Variants in NEXMIF observed in about 807,000 individuals in gnomAD.
NEXMIF encodes the protein neurite extension and migration factor, also known as XLMR protein related to neurite extension.
Under a neutral mutation model 62.1 loss-of-function variants are expected in NEXMIF, and 8 were observed. The observed-to-expected ratio is 0.13, with a 90% CI of 0.08 to 0.23. The LOEUF is 0.23. Ranked by LOEUF, NEXMIF falls within the 10% of genes least tolerant of loss-of-function variation. NEXMIF has a pLI of 1.00. For missense variants in NEXMIF, 976 were observed against 1,113.3 expected (o/e 0.88, Z 1.75); for synonymous variants, 404 against 416.6 (o/e 0.97, Z 0.37).
chrX:74,884,783 G>A (rs1021700868), intron 1 of NEXMIF, among the ~76,000 whole-genome samples: 1 of 111,387 alleles, frequency 9.0e-6, no homozygotes, highest in Admixed American at 9.6e-5. Flanking sequence ...ACTCAGCTCT[G>A]CACCAAGCGG....
Position 74,904,319 on chromosome X carries a change from A to T in NEXMIF, c.-48+20564T>A, listed in dbSNP as rs1403116490. 3.6e-5 allele frequency among the ~76,000 whole-genome samples: 4 copies of T among 112,012 alleles called. No homozygotes were observed. In the East Asian group the frequency reaches 8.4e-4, roughly 23 times the overall value. ...TGTTGTTTTGTTTTAGAAGAAAAAGATCTAGCCAAAGGACAGGAACAAACT... is the reference window on the plus strand; with the variant it reads ...TGTTGTTTTGTTTTAGAAGAAAAAGTTCTAGCCAAAGGACAGGAACAAACT... On this transcript the variant is annotated intron_variant, in intron 1 of 3. Coordinates refer to ENST00000055682, the MANE Select transcript of NEXMIF (RefSeq NM_001008537.3).
intron 1 of NEXMIF, among the ~76,000 whole-genome samples, chrX:74,846,082 A>C (rs1165861363): frequency 8.9e-6 from 1 of 112,818 alleles, no homozygotes; most frequent in African/African-American, 3.2e-5. Context: ...CCAATGCTAA[A>C]GGCTCTACTT....
intron 1 of NEXMIF, among the ~76,000 whole-genome samples, chrX:74,810,390 T>A (rs1170804320): frequency 1.8e-5 from 2 of 111,535 alleles, no homozygotes; most frequent in Admixed American, 1.9e-4. Context: ...CTTTAAAAGC[T>A]ACACAATGTG....
At chrX:74,882,960 T>C (rs1324212120) in intron 1 of NEXMIF, among the ~76,000 whole-genome samples, 6 of 111,175 alleles carry the variant, frequency 5.4e-5, no homozygotes, top group African/African-American at 2.0e-4. Flanking sequence ...TCCAGAGGAA[T>C]GATCAGGGAG....
Position 74,744,187 on chromosome X carries a change from C to A in NEXMIF, c.370G>T (p.Ala124Ser). Residue 124 changes from alanine (A) to serine (S), a missense_variant, in exon 3 of 4, where the codon GCC becomes TCC. This residue lies in a region of NEXMIF where 126 missense variants were observed against 146.5 expected (regional missense o/e 0.86). Coordinates refer to ENST00000055682, the MANE Select transcript of NEXMIF (RefSeq NM_001008537.3). ...GACATGCCTGCAGGCTCCATTATGG[C>A]AAATGGAGCTTTCTCACATTCATTG... ...LPNECEKAPF[A>S]IMEPAGMSAL... 1 of 1,211,076 alleles carries A rather than the reference C, an allele frequency of 8.3e-7. No individual in the cohort carries two copies. The highest frequency in any genetic ancestry group is 1.1e-6 in the Non-Finnish European group (1 of 895,035).
chrX:74,915,737 G>A (rs1244869791), intron 1 of NEXMIF, among the ~76,000 whole-genome samples: 1 of 111,339 alleles, frequency 9.0e-6, no homozygotes, highest in Non-Finnish European at 1.9e-5. Context: ...AAGTGATGCA[G>A]TGTGAGGAAA....
intron 1 of NEXMIF, among the ~76,000 whole-genome samples, chrX:74,802,765 C>T (rs1282426128): frequency 9.0e-6 from 1 of 111,001 alleles, no homozygotes; most frequent in Admixed American, 9.6e-5. Flanking sequence ...ACGTTTCACA[C>T]AGAGAATTCA....
chrX:74,760,841 GATTT>G (rs74679235), intron 1 of NEXMIF, among the ~76,000 whole-genome samples: 27,753 of 89,177 alleles, frequency 0.31, 4,470 homozygotes, highest in East Asian at 0.82. Flanking sequence ...TTGGCCCTAA[GATTT>G]ATTTATTTAT....
intron 1 of NEXMIF, among the ~76,000 whole-genome samples, chrX:74,880,770 AAC>A (rs1403433645): frequency 8.9e-6 from 1 of 112,098 alleles, no homozygotes; most frequent in East Asian, 2.8e-4. Flanking sequence ...CAAAACTGCA[AAC>A]ACATACCCAG....
intron 1 of NEXMIF, among the ~76,000 whole-genome samples, chrX:74,892,132 G>T (rs1240393344): frequency 8.9e-6 from 1 of 112,422 alleles, no homozygotes; most frequent in East Asian, 2.8e-4. Flanking sequence ...CTGTAAGGTT[G>T]TTTAATGTTT....
intron 1 of NEXMIF, among the ~76,000 whole-genome samples, chrX:74,748,308 C>T (rs1191377472): frequency 2.7e-5 from 3 of 112,240 alleles, no homozygotes; most frequent in African/African-American, 9.7e-5. Flanking sequence ...CTTGAGCAGA[C>T]AATCCTTTAG....
chrX:74,885,175 A>C (rs1052397904), intron 1 of NEXMIF, among the ~76,000 whole-genome samples: 33 of 111,397 alleles, frequency 3.0e-4, no homozygotes, highest in African/African-American at 1.0e-3. Context: ...ATAGCACTAA[A>C]TGCCCACAAG....
chrX:74,831,225 G>A (rs893820774), intron 1 of NEXMIF, among the ~76,000 whole-genome samples: 4 of 109,354 alleles, frequency 3.7e-5, no homozygotes, highest in Admixed American at 2.0e-4. Context: ...TAAGTTTTAG[G>A]GTACATGTGC....
At chrX:74,889,587 A>G (rs2080709929) in intron 1 of NEXMIF, among the ~76,000 whole-genome samples, 1 of 111,597 alleles carries the variant, frequency 9.0e-6, no homozygotes, top group South Asian at 3.8e-4. Context: ...TCATGGTTGC[A>G]TGGTGTACAA....
intron 1 of NEXMIF, among the ~76,000 whole-genome samples, chrX:74,778,081 C>T (rs1479268197): frequency 8.9e-6 from 1 of 111,826 alleles, no homozygotes; most frequent in Non-Finnish European, 1.9e-5. Flanking sequence ...TTTCAACCAA[C>T]TTATAAAGAC....
At chrX:74,751,813 C>T (rs973498142) in intron 1 of NEXMIF, among the ~76,000 whole-genome samples, 3 of 98,104 alleles carry the variant, frequency 3.1e-5, no homozygotes, top group Non-Finnish European at 6.2e-5. Flanking sequence ...TCCCTCCCTC[C>T]TCCCTTCCTT....
At chrX:74,753,764 A>T (rs1451204934) in intron 1 of NEXMIF, among the ~76,000 whole-genome samples, 1 of 110,591 alleles carries the variant, frequency 9.0e-6, no homozygotes, top group Admixed American at 9.7e-5. Flanking sequence ...ACTCAAAAAA[A>T]TTATGGTGAC....
chrX:74,794,114 CT>C (rs1453002642), intron 1 of NEXMIF, among the ~76,000 whole-genome samples: 3 of 105,584 alleles, frequency 2.8e-5, no homozygotes, highest in Non-Finnish European at 5.9e-5. Flanking sequence ...GTTTTATCTA[CT>C]TTTGGTCTTT....
At chrX:74,856,979 T>C (rs2080537393) in intron 1 of NEXMIF, among the ~76,000 whole-genome samples, 1 of 112,421 alleles carries the variant, frequency 8.9e-6, no homozygotes, top group African/African-American at 3.2e-5. Flanking sequence ...AGAGCAGCCC[T>C]AACTAGAAGG....
Sources: gnomAD v4.1 joint callset for allele counts (sites outside exome capture counted in the v4.1 genomes callset) on GRCh38, gnomAD v4.1.1 for gene constraint, gnomAD v4.1.1 regional missense constraint, MANE v1.5 for transcripts, NCBI Gene and HGNC (gene_info 2026-07-23, HGNC 2026-07-21) for gene names.